The following PRIMA1 variants were observed in gnomAD, a reference collection of about 807,000 sequenced individuals.
PRIMA1 encodes the protein proline-rich membrane anchor 1.
Under a neutral mutation model 17.5 loss-of-function variants are expected in PRIMA1, and 7 were observed. That is an observed-to-expected ratio of 0.40 (90% CI 0.23 to 0.75). The LOEUF is 0.75. Ranked by LOEUF, PRIMA1 falls within the 30% of genes least tolerant of loss-of-function variation. The pLI is 0.37. For synonymous variants in PRIMA1, 97 were observed against 77.9 expected (o/e 1.25, Z -1.29); for missense variants, 200 against 201.8 (o/e 0.99, Z 0.05).
chr14:93,757,033 T>A (rs1370678583), intron 3 of PRIMA1, among the ~76,000 whole-genome samples: 1 of 152,190 alleles, frequency 6.6e-6, no homozygotes, highest in African/African-American at 2.4e-5. Flanking sequence ...CCAACCTTTT[T>A]ATCATGGCCT....
chr14:93,743,202 C>A (rs1041584494), intron 3 of PRIMA1, among the ~76,000 whole-genome samples: 1 of 152,232 alleles, frequency 6.6e-6, no homozygotes, highest in African/African-American at 2.4e-5. Context: ...GCAGCCCACT[C>A]GCCCCCATGG....
At chr14:93,732,548 C>T (rs891517063) in intron 4 of PRIMA1, among the ~76,000 whole-genome samples, 18 of 152,200 alleles carry the variant, frequency 1.2e-4, no homozygotes, top group African/African-American at 3.9e-4. Flanking sequence ...CTTCTTCCCC[C>T]GAAAAGGTAT....
At chr14:93,759,843 G>C (rs545808865) in intron 3 of PRIMA1, among the ~76,000 whole-genome samples, 1 of 152,196 alleles carries the variant, frequency 6.6e-6, no homozygotes, top group African/African-American at 2.4e-5. Context: ...GAAGGACGTG[G>C]TGTTCACCAC....
At chr14:93,758,674 G>C (rs984760250) in intron 3 of PRIMA1, among the ~76,000 whole-genome samples, 4 of 152,016 alleles carry the variant, frequency 2.6e-5, no homozygotes, top group Non-Finnish European at 5.9e-5. Flanking sequence ...CAAAAGCCCT[G>C]ATGAAGGACA....
In PRIMA1 at chr14:93,779,233, G is replaced by GGGGGGGGGGGGGGGGGGGGGGGGGA; in HGVS notation, c.171_172insTCCCCCCCCCCCCCCCCCCCCCCCC (p.Pro58SerfsTer37). On this transcript the variant is annotated frameshift_variant, in exon 3 of 5. Coordinates refer to ENST00000393140, the MANE Select transcript of PRIMA1 (RefSeq NM_178013.4). LOFTEE classifies it high-confidence loss of function. ...GGTGGGGGCGGCGGGGGCAGCGGGG[G>GGGGGGGGGGGGGGGGGGGGGGGGGA]AGGGGGCCGGCACTGGCAGACGTGT... 1 of 1,094,128 alleles carries GGGGGGGGGGGGGGGGGGGGGGGGGA rather than the reference G, an allele frequency of 9.1e-7. No homozygotes were observed. The highest frequency in any genetic ancestry group is 1.5e-5 in the South Asian group (1 of 64,872). 67.8% of individuals were successfully genotyped at this position (1,094,128 alleles called of 1,614,324 possible).
chr14:93,755,316 T>C lies in PRIMA1; in HGVS notation c.230-17946A>G, dbSNP rs112699753. Among the ~76,000 whole-genome samples, 992 of 152,308 alleles carry C rather than the reference T, an allele frequency of 6.5e-3. 9 individuals are homozygous for C. The highest frequency in any genetic ancestry group is 0.022 in the African/African-American group (923 of 41,562). On this transcript the variant is annotated intron_variant, in intron 3 of 4. Coordinates refer to ENST00000393140, the MANE Select transcript of PRIMA1 (RefSeq NM_178013.4). ...CAGTGCACATTCCACTTGTTACCTG[T>C]GGCAATGCTTTCACATCGGTGTGAT...
intron 3 of PRIMA1, among the ~76,000 whole-genome samples, chr14:93,741,562 A>G (rs2076184426): frequency 6.6e-6 from 1 of 152,262 alleles, no homozygotes; most frequent in South Asian, 2.1e-4. Flanking sequence ...AAGATAAATC[A>G]GACGTAAACT....
Position 93,760,977 on chromosome 14 carries a change from C to T in PRIMA1, c.229+18199G>A, listed in dbSNP as rs534560716. Among the ~76,000 whole-genome samples, 5 of 152,178 alleles carry T rather than the reference C, an allele frequency of 3.3e-5. No homozygotes were observed. In the East Asian group the frequency reaches 5.8e-4, roughly 18 times the overall value. ...TCTCCACTCAGATGCCAGTGATTGT[C>T]TTAAGAAGCAAATCTGTAAGTGTCA... On this transcript the variant is annotated intron_variant, in intron 3 of 4. Transcript: ENST00000393140.
chr14:93,739,037 TTTG>T (rs780555140), intron 3 of PRIMA1, among the ~76,000 whole-genome samples: 1 of 152,126 alleles, frequency 6.6e-6, no homozygotes, highest in African/African-American at 2.4e-5. Context: ...CATATCACAA[TTTG>T]TTGTTGTTTT....
chr14:93,779,232 G>GC lies in PRIMA1; in HGVS notation c.172_173insG (p.Pro58ArgfsTer29). 2 of 1,061,456 alleles carry GC rather than the reference G, an allele frequency of 1.9e-6. No homozygotes were observed. The highest frequency in any genetic ancestry group is 2.7e-6 in the Non-Finnish European group (2 of 740,838). 65.8% of individuals were successfully genotyped at this position (1,061,456 alleles called of 1,614,324 possible). A position where few individuals can be genotyped will look rare whatever the true frequency, so the allele number is the denominator to read the frequency against. ...GGGTGGGGGCGGCGGGGGCAGCGGG[G>GC]GAGGGGGCCGGCACTGGCAGACGTG... On this transcript the variant is annotated frameshift_variant, in exon 3 of 5. Transcript: ENST00000393140. LOFTEE classifies it high-confidence loss of function.
At position 93,788,467 on chromosome 14, in the gene PRIMA1, C is replaced by G. The variant is rs900182152; in HGVS notation, c.-89G>C. The G allele has an allele frequency of 6.6e-6, 1 of 152,394 alleles. No homozygotes were observed. Among genetic ancestry groups the G allele is most frequent in the Non-Finnish European group, 1.5e-5 (1 of 68,162 alleles). 9.4% of individuals were successfully genotyped at this position (152,394 alleles called of 1,614,324 possible). Reference sequence around the variant, plus strand: ...CTCGGGGAAAAGAGGTCCGCGTTCCCCCCGCGGCAGCTCTGTTTCCCAGCA... The same window carrying G: ...CTCGGGGAAAAGAGGTCCGCGTTCCGCCCGCGGCAGCTCTGTTTCCCAGCA... On this transcript the variant is annotated 5_prime_UTR_variant, in exon 1 of 5. Coordinates refer to ENST00000393140, the MANE Select transcript of PRIMA1 (RefSeq NM_178013.4).
chr14:93,722,609 G>A (rs374053941), intron 4 of PRIMA1, among the ~76,000 whole-genome samples: 1 of 151,570 alleles, frequency 6.6e-6, no homozygotes, highest in Non-Finnish European at 1.5e-5. Context: ...TGGTTATATG[G>A]TGGTGGAGGT....
chr14:93,748,039 A>AGT (rs1283005810), intron 3 of PRIMA1, among the ~76,000 whole-genome samples: 1 of 61,468 alleles, frequency 1.6e-5, no homozygotes, highest in Non-Finnish European at 4.1e-5. Flanking sequence ...TGTGTGTGGG[A>AGT]GTGTGTGAGT....
At chr14:93,723,313 G>A (rs1344003978) in intron 4 of PRIMA1, among the ~76,000 whole-genome samples, 1 of 152,188 alleles carries the variant, frequency 6.6e-6, no homozygotes, top group African/African-American at 2.4e-5. Context: ...CCCAGGAGTT[G>A]ATTGCTTCTG....
intron 3 of PRIMA1, among the ~76,000 whole-genome samples, chr14:93,757,319 C>T (rs1465803046): frequency 2.0e-5 from 3 of 152,164 alleles, no homozygotes; most frequent in Non-Finnish European, 4.4e-5. Context: ...ACCACCAGCT[C>T]GAGCTCACAC....
chr14:93,737,997 A>G (rs2076162233), intron 3 of PRIMA1, among the ~76,000 whole-genome samples: 1 of 152,218 alleles, frequency 6.6e-6, no homozygotes, highest in African/African-American at 2.4e-5. Context: ...GAAGGAAAGA[A>G]AGGGAGGACT....
intron 3 of PRIMA1, among the ~76,000 whole-genome samples, chr14:93,739,683 C>A (rs1301158133): frequency 6.6e-6 from 1 of 152,174 alleles, no homozygotes; most frequent in Admixed American, 6.5e-5. Flanking sequence ...CAGGGAGCCA[C>A]TATGTGCTTC....
intron 3 of PRIMA1, among the ~76,000 whole-genome samples, chr14:93,762,157 G>A (rs986305092): frequency 1.3e-5 from 2 of 152,098 alleles, no homozygotes; most frequent in South Asian, 2.1e-4. Context: ...AGGTGGGGCC[G>A]GCCCCACCTT....
At chr14:93,721,631 T>A (rs1473911838) in intron 4 of PRIMA1, 85 bp from the exon 5 acceptor site, 1 of 790,890 alleles carries the variant, frequency 1.3e-6, no homozygotes, top group Non-Finnish European at 2.2e-6. Flanking sequence ...GGGTGTAACC[T>A]CCAGCTAGCA....
Sources: gnomAD v4.1 joint callset for allele counts (sites outside exome capture counted in the v4.1 genomes callset) on GRCh38, gnomAD v4.1.1 for gene constraint, MANE v1.5 for transcripts, NCBI Gene and HGNC (gene_info 2026-07-23, HGNC 2026-07-21) for gene names.